The following MAP3K20 variants were observed in gnomAD, a reference collection of about 807,000 sequenced individuals.
The protein encoded by MAP3K20 is mitogen-activated protein kinase kinase kinase 20.
In MAP3K20, 40 loss-of-function variants were observed where a neutral mutation model predicts 85.7. That is an observed-to-expected ratio of 0.47 (90% CI 0.36 to 0.61). The LOEUF is 0.61. MAP3K20 is among the 20% of genes least tolerant of loss of function. The pLI, the probability that MAP3K20 is intolerant of heterozygous loss-of-function variation, is 0.00. For missense variants in MAP3K20, 817 were observed against 961.7 expected, an observed-to-expected ratio of 0.85 and a Z score of 1.99; for synonymous variants, 325 against 327.7, an observed-to-expected ratio of 0.99 and a Z score of 0.09.
chr2:173,221,367 T>C, intron 11 of MAP3K20: 7 of 1,614,060 alleles, frequency 4.3e-6, no homozygotes, highest in Non-Finnish European at 5.9e-6. Context: ...GGGATGCAGA[T>C]AAACATGCAA....
At chr2:173,199,322 T>C (rs762300080) in intron 8 of MAP3K20, among the ~76,000 whole-genome samples, 3 of 152,202 alleles carry the variant, frequency 2.0e-5, no homozygotes, top group Non-Finnish European at 4.4e-5. Context: ...CTGAAACTGA[T>C]GGGAAAGAGC....
intron 2 of MAP3K20, among the ~76,000 whole-genome samples, chr2:173,120,608 A>G (rs1383461441): frequency 6.6e-6 from 1 of 151,356 alleles, no homozygotes; most frequent in Non-Finnish European, 1.5e-5. Context: ...GGGGACTAAG[A>G]TCTCCAAACT....
chr2:173,226,870 C>G, intron 11 of MAP3K20: 1 of 984,564 alleles, frequency 1.0e-6, no homozygotes, highest in Non-Finnish European at 1.2e-6. Context: ...GTTTTTTTAA[C>G]AAAAACTTTT....
At chr2:173,261,217 AT>A in intron 18 of MAP3K20, 80 bp downstream of exon 18, 1 of 1,446,558 alleles carries the variant, frequency 6.9e-7, no homozygotes, top group Non-Finnish European at 9.6e-7. Flanking sequence ...AGAGCATATA[AT>A]TTATTGGGAG....
intron 7 of MAP3K20, among the ~76,000 whole-genome samples, chr2:173,192,668 C>A (rs1043985739): frequency 6.6e-6 from 1 of 152,148 alleles, no homozygotes; most frequent in African/African-American, 2.4e-5. Flanking sequence ...ACATTCTAAC[C>A]ATCATACATT....
At chr2:173,120,891 G>T (rs1053427765) in intron 2 of MAP3K20, among the ~76,000 whole-genome samples, 1 of 151,560 alleles carries the variant, frequency 6.6e-6, no homozygotes, top group African/African-American at 2.4e-5. Context: ...TTGTATTTTA[G>T]TAGAGACATG....
intron 10 of MAP3K20, chr2:173,214,168 C>T (rs1279106368): frequency 6.6e-6 from 1 of 150,518 alleles, no homozygotes; most frequent in African/African-American, 2.4e-5. Flanking sequence ...TATTAAAAAC[C>T]ACATAAACTG....
intron 2 of MAP3K20, chr2:173,166,409 T>C (rs1689823218): frequency 6.6e-6 from 1 of 152,220 alleles, no homozygotes; most frequent in Non-Finnish European, 1.5e-5. Flanking sequence ...TCCAAGTATC[T>C]GTTTGACTCC....
intron 2 of MAP3K20, among the ~76,000 whole-genome samples, chr2:173,114,285 AGGTGAGTCTCCTGAAGACAGCAGAT>A (rs1688056234): frequency 6.6e-6 from 1 of 152,142 alleles, no homozygotes; most frequent in Non-Finnish European, 1.5e-5. Context: ...CTTATGGGCT[AGGTGAGTCTCCTGAAGACAGCAGAT>A]GGTTGGTTGG....
At chr2:173,155,398 C>T (rs1182825813) in intron 2 of MAP3K20, among the ~76,000 whole-genome samples, 1 of 152,144 alleles carries the variant, frequency 6.6e-6, no homozygotes, top group Non-Finnish European at 1.5e-5. Flanking sequence ...AGATAGTAGG[C>T]TCCATGAGGA....
At chr2:173,165,142 GAGC>G (rs907016166) in intron 2 of MAP3K20, among the ~76,000 whole-genome samples, 7 of 151,846 alleles carry the variant, frequency 4.6e-5, no homozygotes, top group African/African-American at 1.7e-4. Flanking sequence ...GAGAATCTTA[GAGC>G]CTGAGTTAAA....
rs1685452518 is a variant in MAP3K20 at position 173,267,544 on chromosome 2, T to C, written c.*794T>C. On this transcript the variant is annotated 3_prime_UTR_variant, in exon 20 of 20. Transcript: ENST00000375213. Reference sequence around the variant, plus strand: ...AATGTTGAATATGATGCATATCTCATTCATTACGATTTATCAGAAACCAAA... The same window carrying C: ...AATGTTGAATATGATGCATATCTCACTCATTACGATTTATCAGAAACCAAA... 6.6e-6 allele frequency: 1 copy of C among 152,220 alleles called. No individual in the cohort carries two copies. The highest frequency in any genetic ancestry group is 2.4e-5 in the African/African-American group (1 of 41,444). 9.4% of individuals were successfully genotyped at this position (152,220 alleles called of 1,614,324 possible). A position where few individuals can be genotyped will look rare whatever the true frequency, so the allele number is the denominator to read the frequency against.
intron 2 of MAP3K20, among the ~76,000 whole-genome samples, chr2:173,128,279 A>G (rs1688501652): frequency 6.6e-6 from 1 of 151,412 alleles, no homozygotes; most frequent in Non-Finnish European, 1.5e-5. Flanking sequence ...AAAAGATCCA[A>G]TCACAGCAGC....
chr2:173,109,751 A>G (rs1451813728), intron 2 of MAP3K20, among the ~76,000 whole-genome samples: 1 of 152,050 alleles, frequency 6.6e-6, no homozygotes, highest in Non-Finnish European at 1.5e-5. Flanking sequence ...AGGGCCCGCT[A>G]TTTGTGTCTA....
intron 2 of MAP3K20, among the ~76,000 whole-genome samples, chr2:173,162,717 C>A (rs1689699411): frequency 1.3e-5 from 2 of 151,148 alleles, no homozygotes; most frequent in African/African-American, 4.9e-5. Flanking sequence ...TTGGTGAGGA[C>A]CTTAGAGATC....
chr2:173,210,482 A>AT (rs1296673267), intron 10 of MAP3K20: 1 of 152,412 alleles, frequency 6.6e-6, no homozygotes, highest in Non-Finnish European at 1.5e-5. Context: ...TTACCTTGAA[A>AT]TTCGCTGAGC....
intron 2 of MAP3K20, among the ~76,000 whole-genome samples, chr2:173,116,691 C>T (rs1004509418): frequency 5.3e-5 from 8 of 152,196 alleles, no homozygotes; most frequent in Non-Finnish European, 1.2e-4. Context: ...AGTGAATTTG[C>T]TATCCACCCT....
At chr2:173,250,959 A>T (rs539638880) in intron 16 of MAP3K20, among the ~76,000 whole-genome samples, 1 of 152,328 alleles carries the variant, frequency 6.6e-6, no homozygotes, top group Non-Finnish European at 1.5e-5. Context: ...GGTTATACTT[A>T]ATGATAAATA....
chr2:173,182,986 T>C, intron 4 of MAP3K20, 31 bp downstream of exon 4: 1 of 1,540,838 alleles, frequency 6.5e-7, no homozygotes, highest in Non-Finnish European at 8.9e-7. Context: ...CTTATAGAAT[T>C]AGTGGGGTGC....
Sources: gnomAD v4.1 joint callset for allele counts (sites outside exome capture counted in the v4.1 genomes callset) on GRCh38, gnomAD v4.1.1 for gene constraint, MANE v1.5 for transcripts, NCBI Gene and HGNC (gene_info 2026-07-23, HGNC 2026-07-21) for gene names.